ADAMTS9: variants seen among roughly 807,000 people sequenced by gnomAD.
The protein encoded by ADAMTS9 is ADAM metallopeptidase with thrombospondin type 1 motif 9, also known as A disintegrin and metalloproteinase with thrombospondin motifs 9.
Under a neutral mutation model 257.1 loss-of-function variants are expected in ADAMTS9, and 107 were observed. That is an observed-to-expected ratio of 0.42 (90% CI 0.36 to 0.49). The LOEUF is 0.49. Ranked by LOEUF, ADAMTS9 falls within the 20% of genes least tolerant of loss-of-function variation. ADAMTS9 has a pLI of 0.03. For synonymous variants in ADAMTS9, 982 were observed against 880.9 expected, an observed-to-expected ratio of 1.11 and a Z score of -2.03; for missense variants, 2,353 against 2,469.1, an observed-to-expected ratio of 0.95 and a Z score of 1.00.
At chr3:64,665,960 G>T (rs61291706) in intron 3 of ADAMTS9, among the ~76,000 whole-genome samples, 1 of 152,052 alleles carries the variant, frequency 6.6e-6, no homozygotes, top group Admixed American at 6.5e-5. Flanking sequence ...AAATTCACTC[G>T]TGGAACATCG....
At chr3:64,558,799 C>T (rs1182527579) in intron 30 of ADAMTS9, among the ~76,000 whole-genome samples, 2 of 152,212 alleles carry the variant, frequency 1.3e-5, no homozygotes, top group East Asian at 1.9e-4. Flanking sequence ...GGCCAGGGAC[C>T]GCTAAGAAAG....
intron 22 of ADAMTS9, among the ~76,000 whole-genome samples, chr3:64,607,773 G>C (rs1187516298): frequency 6.6e-6 from 1 of 152,028 alleles, no homozygotes; most frequent in East Asian, 1.9e-4. Context: ...GCAGAAACTA[G>C]GTGAATGCTT....
intron 8 of ADAMTS9, among the ~76,000 whole-genome samples, chr3:64,651,909 G>C (rs985229152): frequency 2.0e-5 from 3 of 152,192 alleles, no homozygotes; most frequent in Admixed American, 2.0e-4. Flanking sequence ...ATGAAGGATT[G>C]CCAACGTCCT....
rs376962279 is a variant in ADAMTS9 at position 64,551,045 on chromosome 3, G to A, written c.4716C>T (p.Gly1572=). Residue 1572 remains glycine (G), a synonymous_variant, in exon 31 of 40, where the codon GGC becomes GGT. Transcript: ENST00000498707. ...EEWQECTKTC[G]EGSRYRKVVC... is the part of the protein sequence containing the mutation. ...CCACCTTGCGGTACCTGGAGCCTTC[G>A]CCGCAGGTCTTGGTGCACTGTTAAA... The A allele has an allele frequency of 5.5e-5, 88 of 1,614,034 alleles. No individual in the cohort carries two copies. The highest frequency in any genetic ancestry group is 3.2e-4 in the African/African-American group (24 of 74,926).
At chr3:64,603,893 CCCT>C in intron 25 of ADAMTS9, 26 bp downstream of exon 25, 1 of 1,611,838 alleles carries the variant, frequency 6.2e-7, no homozygotes, top group South Asian at 1.1e-5. Context: ...CCCCCATTCC[CCCT>C]AATTCCAAAT....
chr3:64,542,870 A>G (rs954007640), intron 32 of ADAMTS9, among the ~76,000 whole-genome samples: 1 of 152,002 alleles, frequency 6.6e-6, no homozygotes, highest in African/African-American at 2.4e-5. Flanking sequence ...GACCACTAGC[A>G]AGACTAATAA....
At chr3:64,600,271 T>A (rs759667080) in intron 26 of ADAMTS9, among the ~76,000 whole-genome samples, 8 of 152,142 alleles carry the variant, frequency 5.3e-5, no homozygotes, top group Non-Finnish European at 1.2e-4. Context: ...AAAGATGACG[T>A]ACATCCTTCA....
intron 28 of ADAMTS9, chr3:64,583,325 G>C (rs1031717268): frequency 2.6e-5 from 4 of 152,132 alleles, no homozygotes; most frequent in African/African-American, 9.7e-5. Flanking sequence ...GCTCATCCTT[G>C]AAAACCTTTC....
chr3:64,655,733 C>A (rs1701053616), intron 5 of ADAMTS9, 42 bp from the exon 6 acceptor site: 1 of 1,592,892 alleles, frequency 6.3e-7, no homozygotes, highest in African/African-American at 1.3e-5. Flanking sequence ...TTGTACCGAT[C>A]CCAATTAGAT....
intron 30 of ADAMTS9, among the ~76,000 whole-genome samples, chr3:64,551,796 C>G (rs749737254): frequency 6.6e-6 from 1 of 152,196 alleles, no homozygotes; most frequent in Non-Finnish European, 1.5e-5. Context: ...TTTGTATGTT[C>G]CAGGCCCCTG....
In ADAMTS9 at chr3:64,541,395, T is replaced by A; in HGVS notation, c.5312A>T (p.His1771Leu). Residue 1771 changes from histidine to leucine, a missense_variant, in exon 35 of 40, where the codon CAC becomes CTC. His to Leu is a moderately conservative substitution (Grantham distance 99). Around this residue, in one of 3 missense-constraint regions of ADAMTS9, gnomAD observed 1,402 missense variants for 1,441.4 expected, o/e 0.97. Transcript: ENST00000498707. The stretch of plus-strand genomic sequence containing the variant: ...CACGTACTCTTTGGGGTGGTCAGAG[T>A]GCATCCCCGCACAGAATATCTGAAA... ...KLLKIFCAGMHSDHPKEYVTL... is the reference protein window; with the variant it reads ...KLLKIFCAGMLSDHPKEYVTL... 1.2e-6 allele frequency: 2 copies of A among 1,614,030 alleles called. No homozygotes were observed. The highest frequency in any genetic ancestry group is 4.5e-5 in the East Asian group (2 of 44,850).
intron 8 of ADAMTS9, among the ~76,000 whole-genome samples, 180 bp downstream of exon 8, chr3:64,654,173 C>T (rs1324966520): frequency 1.3e-5 from 2 of 152,208 alleles, no homozygotes; most frequent in African/African-American, 4.8e-5. Context: ...TGCATTTACT[C>T]AACTTTTGGA....
At chr3:64,526,493 T>C (rs940652251) in intron 38 of ADAMTS9, among the ~76,000 whole-genome samples, 1 of 152,224 alleles carries the variant, frequency 6.6e-6, no homozygotes, top group African/African-American at 2.4e-5. Flanking sequence ...GTGGTAGTTC[T>C]GGAGCTGGCC....
At chr3:64,654,479 A>G in intron 7 of ADAMTS9, 21 bp from the exon 8 acceptor site, 1 of 1,613,234 alleles carries the variant, frequency 6.2e-7, no homozygotes, top group Non-Finnish European at 8.5e-7. Context: ...GAAAAAAACC[A>G]ACAAGGATTT....
At chr3:64,642,148 G>T (rs1439377565) in intron 11 of ADAMTS9, among the ~76,000 whole-genome samples, 155 bp from the exon 12 acceptor site, 3 of 152,148 alleles carry the variant, frequency 2.0e-5, no homozygotes, top group Admixed American at 6.5e-5. Flanking sequence ...GAAGCTATAG[G>T]GATTTTAATC....
chr3:64,681,369 A>G lies in ADAMTS9; in HGVS notation c.517-6T>C, dbSNP rs1416781789. 4 of 1,607,106 alleles carry G rather than the reference A, an allele frequency of 2.5e-6. No individual in the cohort carries two copies. The South Asian group carries it at 4.5e-5, about 18-fold the overall frequency. On this transcript the variant is annotated splice_region_variant and splice_polypyrimidine_tract_variant and intron_variant, in intron 2 of 39. Coordinates refer to ENST00000498707, the MANE Select transcript of ADAMTS9 (RefSeq NM_182920.2). ...TGAGACCGGAATGTGCCCAGCTGCAAATGAAGAGAGATGGGAGGTTGATTT... is the reference window on the plus strand; with the variant it reads ...TGAGACCGGAATGTGCCCAGCTGCAGATGAAGAGAGATGGGAGGTTGATTT...
intron 3 of ADAMTS9, among the ~76,000 whole-genome samples, chr3:64,677,324 G>C (rs965532829): frequency 2.0e-5 from 3 of 152,140 alleles, no homozygotes; most frequent in Non-Finnish European, 4.4e-5. Context: ...CACTCAAATG[G>C]CCCAAATGTA....
chr3:64,629,384 C>T (rs1700309859), intron 16 of ADAMTS9, among the ~76,000 whole-genome samples: 1 of 152,182 alleles, frequency 6.6e-6, no homozygotes, highest in South Asian at 2.1e-4. Context: ...GTTATATGGT[C>T]GTGTATGACC....
rs1268223973 is a variant in ADAMTS9 at position 64,568,664 on chromosome 3, GT to G, written c.4357-130del. On this transcript the variant is annotated intron_variant, in intron 28 of 39. Transcript: ENST00000498707. Reference sequence around the variant, plus strand: ...ACCATTCCCCTCTTTTACAGCGCCAGTTTGGATAATATCTCAAGGCTTAATA... The same window carrying G: ...ACCATTCCCCTCTTTTACAGCGCCAGTTGGATAATATCTCAAGGCTTAATA... 2.7e-6 allele frequency: 3 copies of G among 1,097,964 alleles called. No individual in the cohort carries two copies. The African/African-American group carries it at 4.8e-5, about 18-fold the overall frequency. 68.0% of individuals were successfully genotyped at this position (1,097,964 alleles called of 1,614,324 possible). A position where few individuals can be genotyped will look rare whatever the true frequency, so the allele number is the denominator to read the frequency against.
Sources: allele counts gnomAD v4.1 joint callset (sites outside exome capture counted in the v4.1 genomes callset), GRCh38; gene constraint gnomAD v4.1.1; regional missense constraint gnomAD v4.1.1; transcripts MANE v1.5; gene names NCBI Gene and HGNC (gene_info 2026-07-23, HGNC 2026-07-21).